The following FOXP2 variants were observed in gnomAD, a reference collection of about 807,000 sequenced individuals.
FOXP2 encodes forkhead box P2.
Under a neutral mutation model 115.8 loss-of-function variants are expected in FOXP2, and 12 were observed. That is an observed-to-expected ratio of 0.10 (90% CI 0.07 to 0.17). FOXP2 has a LOEUF of 0.17. Ranked by LOEUF, FOXP2 falls within the 10% of genes least tolerant of loss-of-function variation. The probability of loss-of-function intolerance (pLI) is 1.00; values close to 1 mark genes in which losing one functional copy is unlikely to be tolerated. For synonymous variants in FOXP2, 328 were observed against 297.7 expected (o/e 1.10, Z -1.05); for missense variants, 629 against 843.5 (o/e 0.75, Z 3.15).
intron 1 of FOXP2, among the ~76,000 whole-genome samples, chr7:114,254,209 C>G (rs554958698): frequency 3.2e-4 from 48 of 152,318 alleles, no homozygotes; most frequent in Non-Finnish European, 3.7e-4. Flanking sequence ...CGACCTTTCT[C>G]TCTGGCTGCC....
At chr7:114,326,055 A>G (rs1423327565) in intron 2 of FOXP2, among the ~76,000 whole-genome samples, 3 of 152,118 alleles carry the variant, frequency 2.0e-5, no homozygotes, top group Non-Finnish European at 4.4e-5. Context: ...ATCAATCGTA[A>G]GAGGTGCTAA....
At chr7:114,504,649 G>C (rs1797729409) in intron 2 of FOXP2, among the ~76,000 whole-genome samples, 2 of 151,490 alleles carry the variant, frequency 1.3e-5, no homozygotes, top group Admixed American at 6.6e-5. Context: ...AAAAGAAAAA[G>C]AGTCATGCAG....
chr7:114,667,052 T>C (rs1372418743), intron 16 of FOXP2: 2 of 152,196 alleles, frequency 1.3e-5, no homozygotes, highest in Non-Finnish European at 2.9e-5. Context: ...TGTAAGTTTG[T>C]GGTTAGTCAT....
intron 3 of FOXP2, among the ~76,000 whole-genome samples, chr7:114,552,490 T>A (rs7794413): frequency 8.6e-5 from 13 of 151,978 alleles, no homozygotes; most frequent in Non-Finnish European, 1.8e-4. Context: ...TTACAAAAAA[T>A]TATCCTTTTT....
intron 3 of FOXP2, among the ~76,000 whole-genome samples, chr7:114,572,662 A>T (rs1801375895): frequency 6.6e-6 from 1 of 151,800 alleles, no homozygotes; most frequent in African/African-American, 2.4e-5. Flanking sequence ...CCAATGGAAA[A>T]ATTGTTTTCG....
At chr7:114,297,678 C>A (rs1029194342) in intron 2 of FOXP2, among the ~76,000 whole-genome samples, 4 of 152,238 alleles carry the variant, frequency 2.6e-5, no homozygotes, top group Non-Finnish European at 5.9e-5. Flanking sequence ...TAGTTCTTGA[C>A]CATAACTTTG....
chr7:114,551,010 C>T (rs1183350690), intron 3 of FOXP2, among the ~76,000 whole-genome samples: 2 of 151,918 alleles, frequency 1.3e-5, no homozygotes, highest in Non-Finnish European at 2.9e-5. Flanking sequence ...GCTTGATATT[C>T]CATACAAGTA....
chr7:114,674,297 G>A (rs1368405693), intron 16 of FOXP2, among the ~76,000 whole-genome samples: 2 of 152,108 alleles, frequency 1.3e-5, no homozygotes, highest in Non-Finnish European at 2.9e-5. Flanking sequence ...ATTTAGTAGG[G>A]CATTTTCTAC....
intron 2 of FOXP2, among the ~76,000 whole-genome samples, chr7:114,483,335 A>C (rs924126163): frequency 2.0e-5 from 3 of 151,576 alleles, no homozygotes; most frequent in African/African-American, 7.2e-5. Context: ...CCTACTCTTC[A>C]ATCTTGCATA....
chr7:114,642,017 G>A (rs979315635), intron 6 of FOXP2, among the ~76,000 whole-genome samples: 4 of 151,922 alleles, frequency 2.6e-5, no homozygotes, highest in Non-Finnish European at 5.9e-5. Context: ...TGTTGGCCAG[G>A]CTGGTCTCGA....
intron 2 of FOXP2, among the ~76,000 whole-genome samples, chr7:114,295,737 C>A (rs945553523): frequency 1.3e-5 from 2 of 152,192 alleles, no homozygotes; most frequent in African/African-American, 4.8e-5. Context: ...AACCTGGCAC[C>A]TGGTATTGTA....
At chr7:114,403,203 G>A (rs773549378) in intron 2 of FOXP2, among the ~76,000 whole-genome samples, 1 of 152,114 alleles carries the variant, frequency 6.6e-6, no homozygotes, top group Non-Finnish European at 1.5e-5. Flanking sequence ...TGAAATACAT[G>A]CATAAAAACA....
chr7:114,198,484 T>C (rs1348520947), intron 1 of FOXP2, among the ~76,000 whole-genome samples: 1 of 152,178 alleles, frequency 6.6e-6, no homozygotes, highest in Non-Finnish European at 1.5e-5. Context: ...TCTGAGATCA[T>C]CAGGCATTAA....
intron 3 of FOXP2, among the ~76,000 whole-genome samples, chr7:114,575,258 A>T (rs572921514): frequency 6.6e-6 from 1 of 151,988 alleles, no homozygotes; most frequent in South Asian, 2.1e-4. Flanking sequence ...ATTAAATATG[A>T]TAACCCTAAA....
chr7:114,297,803 T>C (rs1051169274), intron 2 of FOXP2, among the ~76,000 whole-genome samples: 3 of 152,216 alleles, frequency 2.0e-5, no homozygotes, highest in Non-Finnish European at 4.4e-5. Context: ...CATGTTCCCT[T>C]GTGAGTGAAC....
At chr7:114,443,586 T>G (rs1414518067) in intron 2 of FOXP2, among the ~76,000 whole-genome samples, 2 of 152,106 alleles carry the variant, frequency 1.3e-5, no homozygotes, top group African/African-American at 4.8e-5. Flanking sequence ...CCACCCTCTA[T>G]CTCAAGTAGG....
At chr7:114,611,250 T>C (rs1803612524) in intron 3 of FOXP2, among the ~76,000 whole-genome samples, 1 of 152,234 alleles carries the variant, frequency 6.6e-6, no homozygotes, top group African/African-American at 2.4e-5. Context: ...ACTGAGCCAC[T>C]TATGTGAACA....
intron 2 of FOXP2, among the ~76,000 whole-genome samples, chr7:114,512,731 G>A (rs1348394652): frequency 1.3e-5 from 2 of 152,116 alleles, no homozygotes; most frequent in Non-Finnish European, 2.9e-5. Flanking sequence ...TTAAAAATTA[G>A]TAGTATAGTG....
chr7:114,631,522 T>C lies in FOXP2; in HGVS notation c.598-6T>C. ...CTGTTTACTGGTTTGGGTTTTCTGA[T>C]ACCAGCAGCAGCAGCAGCAGCAGCA... On this transcript the variant is annotated splice_region_variant and splice_polypyrimidine_tract_variant and intron_variant, in intron 5 of 16. Transcript: ENST00000350908. 6.4e-7 allele frequency: 1 copy of C among 1,560,362 alleles called. No individual in the cohort carries two copies. Among genetic ancestry groups the C allele is most frequent in the South Asian group, 1.2e-5 (1 of 85,176 alleles).
Sources: gnomAD v4.1 joint callset for allele counts (sites outside exome capture counted in the v4.1 genomes callset) on GRCh38, gnomAD v4.1.1 for gene constraint, MANE v1.5 for transcripts, NCBI Gene and HGNC (gene_info 2026-07-23, HGNC 2026-07-21) for gene names.